ROCK2: variants seen among roughly 807,000 people sequenced by gnomAD.
The protein encoded by ROCK2 is Rho associated coiled-coil containing protein kinase 2, also known as rho-associated protein kinase 2.
ROCK2 carries 61 observed loss-of-function variants against 195.1 expected under a neutral mutation model. That is an observed-to-expected ratio of 0.31 (90% CI 0.25 to 0.39). The LOEUF is 0.39. ROCK2 is among the 10% of genes least tolerant of loss of function. The pLI is 1.00. For missense variants in ROCK2, 1,109 were observed against 1,637.4 expected (o/e 0.68, Z 5.57); for synonymous variants, 504 against 545.5 (o/e 0.92, Z 1.06).
chr2:11,244,118 G>A (rs528549051), intron 4 of ROCK2, among the ~76,000 whole-genome samples: 1 of 152,228 alleles, frequency 6.6e-6, no homozygotes, highest in South Asian at 2.1e-4. Context: ...CCCCAGTTGA[G>A]CAAACATTCA....
chr2:11,215,840 TG>T (rs1280170154), intron 13 of ROCK2, among the ~76,000 whole-genome samples, 195 bp from the exon 14 acceptor site: 1 of 152,234 alleles, frequency 6.6e-6, no homozygotes, highest in Non-Finnish European at 1.5e-5. Context: ...GTAAATGTTT[TG>T]TTTACTATTC....
At position 11,192,172 on chromosome 2, in the gene ROCK2, C is replaced by T. The variant is rs374630605; in HGVS notation, c.4139G>A (p.Arg1380Gln). The T allele has an allele frequency of 3.1e-6, 5 of 1,608,560 alleles. No homozygotes were observed. The highest frequency in any genetic ancestry group is 4.2e-6 in the Non-Finnish European group (5 of 1,177,648). ...CCTAGGTTTGTTTGGGGCAAGCTGT[C>T]GACTTGGCCGTCTAATAGACTGGTT... ...QQNQSIRRPSRQLAPNKPS is the reference protein window; with the variant it reads ...QQNQSIRRPSQQLAPNKPS Residue 1380 changes from arginine (R) to glutamine (Q), a missense_variant, in exon 32 of 33, where the codon CGA becomes CAA. Arg to Gln is a conservative substitution (Grantham distance 43). This residue lies in a region of ROCK2 where 221 missense variants were observed against 355.1 expected (regional missense o/e 0.62). Transcript: ENST00000315872. This position sits in a 1 kb window ranked among gnomAD's most constrained non-coding sequence, Gnocchi z 5.0.
intron 4 of ROCK2, among the ~76,000 whole-genome samples, chr2:11,240,027 C>A (rs1273348791): frequency 1.3e-5 from 2 of 152,218 alleles, no homozygotes; most frequent in African/African-American, 2.4e-5. Flanking sequence ...AAGTGCATTT[C>A]TCTCCTGGCA....
chr2:11,221,383 T>A, intron 8 of ROCK2, 26 bp from the exon 9 acceptor site: 1 of 1,505,830 alleles, frequency 6.6e-7, no homozygotes, highest in Non-Finnish European at 8.8e-7. Context: ...AAATAAATTA[T>A]TTCATTCACA....
At position 11,333,921 on chromosome 2, in the gene ROCK2, G is replaced by T. The variant is rs756423005; in HGVS notation, c.141+10075C>A. On this transcript the variant is annotated intron_variant, in intron 1 of 32. Coordinates refer to ENST00000315872, the MANE Select transcript of ROCK2 (RefSeq NM_004850.5). ...TAATAAAAAGCTGTTCAGCCCCCATGAGGTATCTTTACTTCACCTAAAACA... is the reference window on the plus strand; with the variant it reads ...TAATAAAAAGCTGTTCAGCCCCCATTAGGTATCTTTACTTCACCTAAAACA... Among the ~76,000 whole-genome samples, 73 of 152,260 alleles carry T rather than the reference G, an allele frequency of 4.8e-4. 1 individual carries two copies. Among genetic ancestry groups the T allele is most frequent in the Non-Finnish European group, 9.0e-4 (61 of 68,016 alleles).
chr2:11,334,753 C>G (rs1668873166), intron 1 of ROCK2, among the ~76,000 whole-genome samples: 2 of 150,542 alleles, frequency 1.3e-5, no homozygotes, highest in African/African-American at 4.8e-5. Context: ...TAAAGTACTG[C>G]TAGAGAACAC....
chr2:11,290,635 C>T (rs527632314), intron 1 of ROCK2, among the ~76,000 whole-genome samples: 1 of 151,858 alleles, frequency 6.6e-6, no homozygotes, highest in East Asian at 1.9e-4. Context: ...CAATAACTGA[C>T]CAGAAAGAAA....
intron 5 of ROCK2, among the ~76,000 whole-genome samples, chr2:11,229,652 T>C (rs1664934854): frequency 6.6e-6 from 1 of 151,846 alleles, no homozygotes; most frequent in Non-Finnish European, 1.5e-5. Context: ...TGAACTTGTT[T>C]TATAAACAAA....
chr2:11,210,495 T>C (rs1043835817), intron 18 of ROCK2, among the ~76,000 whole-genome samples: 1 of 152,010 alleles, frequency 6.6e-6, no homozygotes, highest in Non-Finnish European at 1.5e-5. Context: ...CGCACGCGAC[T>C]ACATCCAGCT....
rs146060048 is a variant in ROCK2 at position 11,321,961 on chromosome 2, A to C, written c.141+22035T>G. Among the ~76,000 whole-genome samples, 263 of 152,264 alleles carry C rather than the reference A, an allele frequency of 1.7e-3. 1 individual carries two copies. Among genetic ancestry groups the C allele is most frequent in the African/African-American group, 6.0e-3 (251 of 41,558 alleles). ...TTAAAGAGATGACTAAATTAAAATA[A>C]GGTCATCAGAGTGGGTCTTGATCCA... On this transcript the variant is annotated intron_variant, in intron 1 of 32. Coordinates refer to ENST00000315872, the MANE Select transcript of ROCK2 (RefSeq NM_004850.5).
At chr2:11,304,144 T>TCC (rs1362032619) in intron 1 of ROCK2, among the ~76,000 whole-genome samples, 1 of 152,182 alleles carries the variant, frequency 6.6e-6, no homozygotes, top group Admixed American at 6.5e-5. Flanking sequence ...TGCTGATGGC[T>TCC]CCTAAATTCA....
At chr2:11,330,626 C>T (rs575447444) in intron 1 of ROCK2, among the ~76,000 whole-genome samples, 25 of 151,394 alleles carry the variant, frequency 1.7e-4, no homozygotes, top group African/African-American at 6.1e-4. Flanking sequence ...TGCAGTGAGC[C>T]GATATCTCAC....
Position 11,229,624 on chromosome 2 carries a change from A to C in ROCK2, c.724-2226T>G, listed in dbSNP as rs113321990. Among the ~76,000 whole-genome samples, 283 of 141,652 alleles carry C rather than the reference A, an allele frequency of 2.0e-3. 1 individual carries two copies. The highest frequency in any genetic ancestry group is 3.1e-3 in the Non-Finnish European group (204 of 66,732). 92.9% of individuals were successfully genotyped at this position (141,652 alleles called of 152,430 possible). A position where few individuals can be genotyped will look rare whatever the true frequency, so the allele number is the denominator to read the frequency against. On this transcript the variant is annotated intron_variant, in intron 5 of 32. Transcript: ENST00000315872. Reference sequence around the variant, plus strand: ...TGGGGGGAACTCTAAATGCAACACAAAAAAAAAAAACAAGAAATGAACTTG... The same window carrying C: ...TGGGGGGAACTCTAAATGCAACACACAAAAAAAAAACAAGAAATGAACTTG...
At chr2:11,220,589 A>T (rs567805877) in intron 9 of ROCK2, among the ~76,000 whole-genome samples, 1 of 152,296 alleles carries the variant, frequency 6.6e-6, no homozygotes, top group South Asian at 2.1e-4. Context: ...TCCAAACTGT[A>T]ATGACATAGT....
At chr2:11,317,612 A>T (rs12464804) in intron 1 of ROCK2, among the ~76,000 whole-genome samples, 4,230 of 19,192 alleles carry the variant, frequency 0.22, 485 homozygotes, top group East Asian at 0.62. Flanking sequence ...ATATATATAT[A>T]TTTTTTTTTT....
At chr2:11,210,711 T>A (rs1434157379) in intron 18 of ROCK2, among the ~76,000 whole-genome samples, 2 of 152,212 alleles carry the variant, frequency 1.3e-5, no homozygotes, top group Non-Finnish European at 2.9e-5. Context: ...AATGTTTACA[T>A]TTTATTATTG....
In ROCK2 at chr2:11,235,584, CTATACAGTTATGAAA is replaced by C; in HGVS notation, c.723+103_723+117del. ...AAGTTGGTTATATCTTGTTTGGGTG[CTATACAGTTATGAAA>C]ACTAAATTTACCTTTGTTCAAAACT... On this transcript the variant is annotated intron_variant, in intron 5 of 32. Transcript: ENST00000315872. This position sits in a 1 kb window ranked among gnomAD's most constrained non-coding sequence, Gnocchi z 4.2. The C allele has an allele frequency of 9.9e-7, 1 of 1,010,700 alleles. No homozygotes were observed. Among genetic ancestry groups the C allele is most frequent in the Admixed American group, 2.5e-5 (1 of 39,836 alleles). The allele number at this position is 1,010,700 out of a possible 1,614,324, so 62.6% of individuals were successfully genotyped here.
chr2:11,296,160 A>T (rs972906005), intron 1 of ROCK2, among the ~76,000 whole-genome samples: 3 of 152,140 alleles, frequency 2.0e-5, no homozygotes, highest in Non-Finnish European at 1.5e-5. Context: ...CTAGTAACTA[A>T]GAATGCTGGA....
At position 11,296,783 on chromosome 2, in the gene ROCK2, T is replaced by C. The variant is rs1174369175; in HGVS notation, c.142-9047A>G. 2.6e-5 allele frequency among the ~76,000 whole-genome samples: 4 copies of C among 152,198 alleles called. No homozygotes were observed. The East Asian group carries it at 7.7e-4, about 29-fold the overall frequency. On this transcript the variant is annotated intron_variant, in intron 1 of 32. Transcript: ENST00000315872. Reference sequence around the variant, plus strand: ...CTTTAAATCTCATTTTTGACATCTATGCAATACAACATTTAAGTCTCAGGG... The same window carrying C: ...CTTTAAATCTCATTTTTGACATCTACGCAATACAACATTTAAGTCTCAGGG...
Sources: allele counts gnomAD v4.1 joint callset (sites outside exome capture counted in the v4.1 genomes callset), GRCh38; gene constraint gnomAD v4.1.1; regional missense constraint gnomAD v4.1.1; non-coding constraint Gnocchi (gnomAD v3.1); transcripts MANE v1.5; gene names NCBI Gene and HGNC (gene_info 2026-07-23, HGNC 2026-07-21).